The following IMMP2L variants were observed in gnomAD, a reference collection of about 807,000 sequenced individuals.
The protein encoded by IMMP2L is inner mitochondrial membrane peptidase subunit 2.
In IMMP2L, 18 loss-of-function variants were observed where a neutral mutation model predicts 19.3. That is an observed-to-expected ratio of 0.93 (90% CI 0.64 to 1.38). The LOEUF (loss-of-function observed/expected upper bound fraction) is 1.38, where lower values mean the gene tolerates loss of function less well. Ranked by LOEUF, IMMP2L falls within the 40% of genes most tolerant of loss-of-function variation. The pLI is 0.00. For missense variants in IMMP2L, 233 were observed against 218.2 expected (o/e 1.07, Z -0.43); for synonymous variants, 76 against 73.0 (o/e 1.04, Z -0.21).
rs138899477 is a variant in IMMP2L at position 110,753,951 on chromosome 7, T to G, written c.409-90230A>C. On this transcript the variant is annotated intron_variant, in intron 5 of 5. Transcript: ENST00000405709. ...ATCTTTACTTCTTGTCATAAAGGTTTTGGGGCACCATCTAAGCATCCCAGT... is the reference window on the plus strand; with the variant it reads ...ATCTTTACTTCTTGTCATAAAGGTTGTGGGGCACCATCTAAGCATCCCAGT... Among the ~76,000 whole-genome samples the G allele has an allele frequency of 3.3e-5, 5 of 152,168 alleles. No homozygotes were observed. In the East Asian group the frequency reaches 9.7e-4, roughly 29 times the overall value.
intron 1 of IMMP2L, among the ~76,000 whole-genome samples, chr7:111,556,018 G>GTGTATATA (rs777862357): frequency 3.8e-4 from 35 of 91,352 alleles, no homozygotes; most frequent in South Asian, 1.7e-3. Flanking sequence ...CTGTGTGCAT[G>GTGTATATA]TATATATATA....
At chr7:111,271,795 T>C (rs748163670) in intron 3 of IMMP2L, among the ~76,000 whole-genome samples, 1 of 152,136 alleles carries the variant, frequency 6.6e-6, no homozygotes, top group Non-Finnish European at 1.5e-5. Flanking sequence ...CTACATTACC[T>C]AAAACCTATC....
intron 3 of IMMP2L, among the ~76,000 whole-genome samples, chr7:111,316,845 C>CTTTTT (rs869155077): frequency 7.4e-4 from 56 of 75,894 alleles, no homozygotes; most frequent in East Asian, 1.8e-3. Context: ...TTTTTTTTTT[C>CTTTTT]TTTTTTTTTT....
chr7:111,299,854 A>G (rs1301602625), intron 3 of IMMP2L, among the ~76,000 whole-genome samples: 1 of 152,134 alleles, frequency 6.6e-6, no homozygotes, highest in Non-Finnish European at 1.5e-5. Flanking sequence ...AAAAGAGAAC[A>G]AAAGGACTAA....
At chr7:111,495,615 C>G (rs923391798) in intron 2 of IMMP2L, among the ~76,000 whole-genome samples, 1 of 152,106 alleles carries the variant, frequency 6.6e-6, no homozygotes, top group Admixed American at 6.6e-5. Flanking sequence ...TTTCGGTTTA[C>G]GAAAATAAAA....
intron 4 of IMMP2L, among the ~76,000 whole-genome samples, chr7:110,961,237 T>TC (rs1818900916): frequency 1.3e-5 from 2 of 151,324 alleles, no homozygotes; most frequent in Admixed American, 6.6e-5. Flanking sequence ...GATACCAAAA[T>TC]CCCCCCACAG....
At position 110,757,527 on chromosome 7, in the gene IMMP2L, C is replaced by T. The variant is rs1798105299; in HGVS notation, c.409-93806G>A. Among the ~76,000 whole-genome samples the T allele has an allele frequency of 6.6e-6, 1 of 152,104 alleles. No homozygotes were observed. Reference sequence around the variant, plus strand: ...GATTGTAGTAGTGGGCTCCTTTGCCCTCTGGCTTCCGATTTGGTACACATA... The same window carrying T: ...GATTGTAGTAGTGGGCTCCTTTGCCTTCTGGCTTCCGATTTGGTACACATA... On this transcript the variant is annotated intron_variant, in intron 5 of 5. Transcript: ENST00000405709. The surrounding 1 kb of genome is among the most constrained non-coding windows in gnomAD (Gnocchi z 4.2).
At chr7:110,871,096 A>AC (rs2129543816) in intron 5 of IMMP2L, among the ~76,000 whole-genome samples, 2 of 151,998 alleles carry the variant, frequency 1.3e-5, no homozygotes, top group South Asian at 4.2e-4. Context: ...AAAAAGTGAG[A>AC]CCCCAAGGAT....
chr7:111,292,076 A>T (rs1176584012), intron 3 of IMMP2L, among the ~76,000 whole-genome samples: 1 of 152,138 alleles, frequency 6.6e-6, no homozygotes, highest in Non-Finnish European at 1.5e-5. Context: ...ACACAGTGAA[A>T]CCAAGAAAAC....
chr7:110,864,101 T>C (rs1401804833), intron 5 of IMMP2L, among the ~76,000 whole-genome samples: 5 of 152,152 alleles, frequency 3.3e-5, no homozygotes, highest in Non-Finnish European at 7.4e-5. Context: ...GCTAATTGTA[T>C]TAGTGCAAAA....
intron 3 of IMMP2L, among the ~76,000 whole-genome samples, chr7:111,189,036 G>A (rs941715587): frequency 7.2e-5 from 11 of 152,032 alleles, no homozygotes; most frequent in East Asian, 5.8e-4. Context: ...TACTAGTACC[G>A]TTGAGAAAAA....
intron 3 of IMMP2L, among the ~76,000 whole-genome samples, chr7:111,462,356 T>C (rs1214993684): frequency 2.0e-5 from 3 of 152,062 alleles, no homozygotes; most frequent in Non-Finnish European, 4.4e-5. Flanking sequence ...GCCCAATGGT[T>C]TTCCAAAACT....
At chr7:111,391,947 A>G (rs1227652507) in intron 3 of IMMP2L, 1 of 702,946 alleles carries the variant, frequency 1.4e-6, no homozygotes, top group Non-Finnish European at 2.6e-6. Flanking sequence ...CACTTCTTCA[A>G]TCTTAGGCTA....
intron 5 of IMMP2L, among the ~76,000 whole-genome samples, chr7:110,830,875 T>C (rs1803914738): frequency 6.6e-6 from 1 of 152,176 alleles, no homozygotes; most frequent in African/African-American, 2.4e-5. Context: ...TTACAGTATA[T>C]GTACAATCAC....
chr7:111,054,794 T>C (rs1168023639), intron 3 of IMMP2L, among the ~76,000 whole-genome samples: 1 of 152,200 alleles, frequency 6.6e-6, no homozygotes, highest in Non-Finnish European at 1.5e-5. Flanking sequence ...CTTCTTCCTT[T>C]CTCCACTGGG....
chr7:110,721,895 G>C (rs564786841), intron 5 of IMMP2L, among the ~76,000 whole-genome samples: 1 of 151,982 alleles, frequency 6.6e-6, no homozygotes, highest in Non-Finnish European at 1.5e-5. Flanking sequence ...AAGAAAGAGA[G>C]AGAAAGAGGA....
chr7:111,040,095 G>A (rs1791745854), intron 3 of IMMP2L, among the ~76,000 whole-genome samples: 1 of 152,144 alleles, frequency 6.6e-6, no homozygotes. Context: ...AAGCCGGGAG[G>A]CAGACAGAGG....
At chr7:111,302,885 G>A (rs1387906878) in intron 3 of IMMP2L, among the ~76,000 whole-genome samples, 1 of 151,970 alleles carries the variant, frequency 6.6e-6, no homozygotes. Flanking sequence ...TAATTTCTGG[G>A]GCTACCACAT....
At chr7:110,779,362 A>C (rs2131070373) in intron 5 of IMMP2L, among the ~76,000 whole-genome samples, 1 of 152,134 alleles carries the variant, frequency 6.6e-6, no homozygotes, top group Non-Finnish European at 1.5e-5. Flanking sequence ...CCTGAAAAAT[A>C]TAGTAAGTTA....
Sources: gnomAD v4.1 joint callset for allele counts (sites outside exome capture counted in the v4.1 genomes callset) on GRCh38, gnomAD v4.1.1 for gene constraint, Gnocchi (gnomAD v3.1) non-coding constraint, MANE v1.5 for transcripts, NCBI Gene and HGNC (gene_info 2026-07-23, HGNC 2026-07-21) for gene names.